LRRC1: variants seen among roughly 807,000 people sequenced by gnomAD.
LRRC1 encodes leucine-rich repeat-containing protein 1.
In LRRC1, 28 loss-of-function variants were observed where a neutral mutation model predicts 69.9. The observed-to-expected ratio is 0.40, with a 90% CI of 0.30 to 0.55. LRRC1 has a LOEUF of 0.55. Among genes scored for constraint, LRRC1 ranks in the 20% least tolerant of loss-of-function variants. LRRC1 has a pLI of 0.47. For synonymous variants in LRRC1, 236 were observed against 240.2 expected (o/e 0.98, Z 0.16); for missense variants, 498 against 609.0 (o/e 0.82, Z 1.92).
In LRRC1 at chr6:53,795,062, G is replaced by T; in HGVS notation, c.-195G>T. On this transcript the variant is annotated 5_prime_UTR_variant, in exon 1 of 14. Coordinates refer to ENST00000370888, the MANE Select transcript of LRRC1 (RefSeq NM_018214.5). Reference sequence around the variant, plus strand: ...ACCGGCTGGCGGGCGGGGGTACAGGGACGGGGCAGGGGCTCCCGCTCCAGG... The same window carrying T: ...ACCGGCTGGCGGGCGGGGGTACAGGTACGGGGCAGGGGCTCCCGCTCCAGG... 1 of 465,538 alleles carries T rather than the reference G, an allele frequency of 2.1e-6. No homozygotes were observed. Among genetic ancestry groups the T allele is most frequent in the South Asian group, 3.4e-5 (1 of 29,274 alleles). 28.8% of individuals were successfully genotyped at this position (465,538 alleles called of 1,614,324 possible). A position where few individuals can be genotyped will look rare whatever the true frequency, so the allele number is the denominator to read the frequency against.
intron 1 of LRRC1, among the ~76,000 whole-genome samples, chr6:53,841,294 A>G (rs1765782152): frequency 6.6e-6 from 1 of 152,214 alleles, no homozygotes. Flanking sequence ...ATTTTCAATC[A>G]GTTCTCCTTT....
chr6:53,906,178 C>T (rs539338424), intron 10 of LRRC1, among the ~76,000 whole-genome samples: 2 of 152,096 alleles, frequency 1.3e-5, no homozygotes, highest in Non-Finnish European at 2.9e-5. Context: ...AGTGAGGAAA[C>T]GGAGGCCAGT....
chr6:53,826,856 C>T (rs1765279633), intron 1 of LRRC1, among the ~76,000 whole-genome samples: 1 of 151,946 alleles, frequency 6.6e-6, no homozygotes, highest in Admixed American at 6.6e-5. Context: ...CTCTTCCTCC[C>T]CCGATTAGTT....
intron 11 of LRRC1, among the ~76,000 whole-genome samples, chr6:53,915,943 T>C (rs1032711201): frequency 1.3e-5 from 2 of 152,180 alleles, no homozygotes. Context: ...AATCATTAAA[T>C]ACAATAGAAG....
At chr6:53,840,999 G>A (rs1036449519) in intron 1 of LRRC1, among the ~76,000 whole-genome samples, 11 of 151,824 alleles carry the variant, frequency 7.2e-5, no homozygotes, top group Admixed American at 3.3e-4. Context: ...TGGAAGCTCC[G>A]TGTGTTGGTG....
chr6:53,830,889 A>T (rs974955568), intron 1 of LRRC1, among the ~76,000 whole-genome samples: 1 of 149,900 alleles, frequency 6.7e-6, no homozygotes, highest in African/African-American at 2.4e-5. Context: ...TGCAAAAGTA[A>T]TTATGGTTTT....
chr6:53,831,082 A>T (rs1765414865), intron 1 of LRRC1, among the ~76,000 whole-genome samples: 1 of 151,778 alleles, frequency 6.6e-6, no homozygotes, highest in South Asian at 2.1e-4. Context: ...GAAATACCAC[A>T]ATATATGTTT....
intron 1 of LRRC1, among the ~76,000 whole-genome samples, chr6:53,829,104 A>C (rs1337115068): frequency 6.6e-6 from 1 of 152,190 alleles, no homozygotes; most frequent in Non-Finnish European, 1.5e-5. Flanking sequence ...GGGAGTTGGG[A>C]TTATGGAGCT....
At chr6:53,815,327 G>A (rs1262019422) in intron 1 of LRRC1, among the ~76,000 whole-genome samples, 1 of 152,078 alleles carries the variant, frequency 6.6e-6, no homozygotes, top group Non-Finnish European at 1.5e-5. Flanking sequence ...TGTCATCTCC[G>A]AGCCTCATTT....
chr6:53,902,014 G>T (rs1217581488), intron 8 of LRRC1, among the ~76,000 whole-genome samples: 1 of 152,200 alleles, frequency 6.6e-6, no homozygotes, highest in Non-Finnish European at 1.5e-5. Context: ...ACTTGTTGAA[G>T]TGAGAATCTG....
chr6:53,855,733 A>G (rs902215612), intron 2 of LRRC1, among the ~76,000 whole-genome samples: 3 of 152,208 alleles, frequency 2.0e-5, no homozygotes, highest in Admixed American at 6.5e-5. Context: ...TCACAATCAC[A>G]GGGAGCACCT....
rs1768486822 is a variant in LRRC1 at position 53,913,850 on chromosome 6, A to G, written c.991-4A>G. 2 of 1,593,810 alleles carry G rather than the reference A, an allele frequency of 1.3e-6. No homozygotes were observed. The highest frequency in any genetic ancestry group is 2.2e-5 in the East Asian group (1 of 44,496). On this transcript the variant is annotated splice_region_variant and splice_polypyrimidine_tract_variant and intron_variant, in intron 10 of 13. Coordinates refer to ENST00000370888, the MANE Select transcript of LRRC1 (RefSeq NM_018214.5). ...AAAAAGATGTATTTTCTTTCTCACC[A>G]TAGATCGGCGGGTGCTGCAGCCTCA...
At chr6:53,838,968 A>G (rs1458838665) in intron 1 of LRRC1, among the ~76,000 whole-genome samples, 3 of 152,162 alleles carry the variant, frequency 2.0e-5, no homozygotes, top group Non-Finnish European at 2.9e-5. Context: ...GTCAGTCCAC[A>G]TGCACACATG....
intron 1 of LRRC1, among the ~76,000 whole-genome samples, chr6:53,799,189 T>C (rs1764393906): frequency 6.6e-6 from 1 of 152,282 alleles, no homozygotes; most frequent in Admixed American, 6.5e-5. Context: ...GATTGCCAGA[T>C]GGCATTATCT....
intron 1 of LRRC1, among the ~76,000 whole-genome samples, chr6:53,834,656 TA>T (rs1161733801): frequency 6.6e-6 from 1 of 151,938 alleles, no homozygotes; most frequent in Non-Finnish European, 1.5e-5. Context: ...TAACTAGAGA[TA>T]AAAAAAACTC....
intron 2 of LRRC1, among the ~76,000 whole-genome samples, chr6:53,857,899 A>G (rs1766364383): frequency 6.6e-6 from 1 of 152,210 alleles, no homozygotes; most frequent in African/African-American, 2.4e-5. Context: ...GATGTGAGCA[A>G]TTATTCTGGT....
intron 2 of LRRC1, among the ~76,000 whole-genome samples, chr6:53,849,823 G>A (rs371464432): frequency 3.9e-5 from 6 of 152,244 alleles, no homozygotes; most frequent in African/African-American, 1.4e-4. Context: ...AAAACATAGT[G>A]GTGTGTGACT....
chr6:53,893,425 G>A (rs2127434664), intron 4 of LRRC1, among the ~76,000 whole-genome samples: 1 of 152,082 alleles, frequency 6.6e-6, no homozygotes, highest in East Asian at 1.9e-4. Flanking sequence ...TAATATCCAA[G>A]TTTCTTTATT....
Position 53,819,105 on chromosome 6 carries a change from T to C in LRRC1, c.160-23005T>C, listed in dbSNP as rs576991778. ...TAAAGCTCTATGGGATCGGAAACTA[T>C]AAATGCCAAGAGCTGTGGAAGAGAG... is the stretch of plus-strand genomic sequence containing the variant. On this transcript the variant is annotated intron_variant, in intron 1 of 13. Coordinates refer to ENST00000370888, the MANE Select transcript of LRRC1 (RefSeq NM_018214.5). Among the ~76,000 whole-genome samples, 93 of 152,236 alleles carry C rather than the reference T, an allele frequency of 6.1e-4. 2 individuals carry two copies. Among genetic ancestry groups the C allele is most frequent in the Admixed American group, 6.1e-3 (93 of 15,290 alleles).
Sources: allele counts gnomAD v4.1 joint callset (sites outside exome capture counted in the v4.1 genomes callset), GRCh38; gene constraint gnomAD v4.1.1; transcripts MANE v1.5; gene names NCBI Gene and HGNC (gene_info 2026-07-23, HGNC 2026-07-21).